Variants in FAT4 observed in about 807,000 individuals in gnomAD.
The protein encoded by FAT4 is protocadherin Fat 4.
FAT4 carries 84 observed loss-of-function variants against 303.9 expected under a neutral mutation model. That is an observed-to-expected ratio of 0.28 (90% CI 0.23 to 0.33). FAT4 has a LOEUF of 0.33. Ranked by LOEUF, FAT4 falls within the 10% of genes least tolerant of loss-of-function variation. FAT4 has a pLI of 1.00. For missense variants in FAT4, 6,005 were observed against 6,146.8 expected, an observed-to-expected ratio of 0.98 and a Z score of 0.77; for synonymous variants, 2,307 against 2,298.8, an observed-to-expected ratio of 1.00 and a Z score of -0.10.
At chr4:125,481,803 C>A in intron 16 of FAT4, 65 bp downstream of exon 16, 1 of 1,377,912 alleles carries the variant, frequency 7.3e-7, no homozygotes, top group Non-Finnish European at 1.0e-6. Context: ...GTTTAAATCA[C>A]TTCCCCCATA....
chr4:125,456,937 T>G (rs1726300781), intron 10 of FAT4, among the ~76,000 whole-genome samples: 1 of 152,196 alleles, frequency 6.6e-6, no homozygotes, highest in African/African-American at 2.4e-5. Context: ...AAGGTCTGTA[T>G]ATAATTTTTG....
At position 125,320,197 on chromosome 4, in the gene FAT4, T is replaced by C. The variant is rs1730873842; in HGVS notation, c.3786T>C (p.Ser1262=). 1.2e-6 allele frequency: 2 copies of C among 1,613,588 alleles called. No individual in the cohort carries two copies. Among genetic ancestry groups the C allele is most frequent in the Non-Finnish European group, 1.7e-6 (2 of 1,179,486 alleles). Residue 1262 remains serine (S), a synonymous_variant, in exon 2 of 18, where the codon AGT becomes AGC. Coordinates refer to ENST00000394329, the MANE Select transcript of FAT4 (RefSeq NM_001291303.3). ...AAGAAAGACAGTTTGCTATAGACAG[T>C]ACCTCTGGTCAGGTAACACTAATTG... ...GNEERQFAID[S]TSGQVTLIGK... is the part of the protein sequence containing the mutation.
intron 2 of FAT4, among the ~76,000 whole-genome samples, chr4:125,325,992 C>T (rs1472184104): frequency 6.6e-6 from 1 of 151,984 alleles, no homozygotes; most frequent in Non-Finnish European, 1.5e-5. Flanking sequence ...CTCTGGTTTG[C>T]ATGGAGGTCC....
chr4:125,330,777 G>C (rs960102818), intron 2 of FAT4, among the ~76,000 whole-genome samples: 4 of 152,186 alleles, frequency 2.6e-5, no homozygotes, highest in African/African-American at 9.6e-5. Flanking sequence ...ACCAGAGTGA[G>C]AGTGATCTTT....
In FAT4 at chr4:125,416,554, G is replaced by A. The variant is rs749207671; in HGVS notation, c.6950G>A (p.Gly2317Glu). 2 of 1,613,844 alleles carry A rather than the reference G, an allele frequency of 1.2e-6. No individual in the cohort carries two copies. The highest frequency in any genetic ancestry group is 1.7e-6 in the Non-Finnish European group (2 of 1,179,916). The change falls in exon 7 of 18, where the codon GGA becomes GAA. Residue 2317 changes from glycine (G) to glutamate (E), a missense_variant. Transcript: ENST00000394329. ...AFTLSASGELGVTQSLDRETK... is the reference protein window; with the variant it reads ...AFTLSASGELEVTQSLDRETK... ...ACTCTCTCAGCCAGTGGAGAACTTGGAGTAACACAGAGTCTGGATCGGGAA... is the reference window on the plus strand; with the variant it reads ...ACTCTCTCAGCCAGTGGAGAACTTGAAGTAACACAGAGTCTGGATCGGGAA...
chr4:125,329,725 T>C (rs775749200), intron 2 of FAT4, among the ~76,000 whole-genome samples: 8 of 152,180 alleles, frequency 5.3e-5, no homozygotes, highest in Non-Finnish European at 1.2e-4. Flanking sequence ...TATTTTAAAT[T>C]AACATTTTTA....
intron 7 of FAT4, among the ~76,000 whole-genome samples, chr4:125,421,512 C>T (rs1167138038): frequency 6.6e-6 from 1 of 152,024 alleles, no homozygotes; most frequent in African/African-American, 2.4e-5. Flanking sequence ...TGAGATTATA[C>T]CCTCAAAAAT....
chr4:125,390,573 G>C (rs1319971801), intron 2 of FAT4, among the ~76,000 whole-genome samples: 2 of 152,190 alleles, frequency 1.3e-5, no homozygotes, highest in Admixed American at 1.3e-4. Flanking sequence ...TTGAATGTAA[G>C]ATTAGAGTTT....
In FAT4 at chr4:125,450,245, A is replaced by G. The variant is rs138817920; in HGVS notation, c.9235A>G (p.Ile3079Val). ...PPLSSQATVH[I>V]TVTEENYHTP... ...ACTTTCTTCCCAAGCAACTGTTCAC[A>G]TAACTGTCACTGAGGAAAACTACCA... is the stretch of plus-strand genomic sequence containing the variant. Residue 3079 changes from isoleucine to valine, a missense_variant, in exon 10 of 18, where the codon ATA (isoleucine) becomes GTA (valine). By Grantham distance (29) the Ile-to-Val change is conservative. Transcript: ENST00000394329. 93 of 1,613,996 alleles carry G rather than the reference A, an allele frequency of 5.8e-5. No homozygotes were observed. The highest frequency in any genetic ancestry group is 6.4e-5 in the Non-Finnish European group (75 of 1,180,026).
intron 10 of FAT4, among the ~76,000 whole-genome samples, chr4:125,457,993 T>A (rs1726343793): frequency 6.6e-6 from 1 of 152,012 alleles, no homozygotes; most frequent in Non-Finnish European, 1.5e-5. Context: ...TGCATCACAT[T>A]CCTGGCATTA....
intron 4 of FAT4, among the ~76,000 whole-genome samples, chr4:125,407,799 G>T (rs1348684496): frequency 1.3e-5 from 2 of 151,804 alleles, no homozygotes; most frequent in African/African-American, 4.8e-5. Flanking sequence ...GTGTGTGTAT[G>T]CTTCATTCCC....
At chr4:125,383,305 G>C (rs1168118114) in intron 2 of FAT4, among the ~76,000 whole-genome samples, 2 of 152,070 alleles carry the variant, frequency 1.3e-5, no homozygotes, top group Admixed American at 1.3e-4. Context: ...GCCATTGGAG[G>C]GTTATTTCAA....
At position 125,320,391 on chromosome 4, in the gene FAT4, A is replaced by C; in HGVS notation, c.3980A>C (p.Asn1327Thr). Reference protein sequence around the residue: ...KSTLFVDVLENMRIGELVSSV... With the variant: ...KSTLFVDVLETMRIGELVSSV... Reference sequence around the variant, plus strand: ...ACACTCTTTGTTGATGTTTTGGAAAACATGAGAATTGGTGAACTCGTGTCC... The same window carrying C: ...ACACTCTTTGTTGATGTTTTGGAAACCATGAGAATTGGTGAACTCGTGTCC... The change falls in exon 2 of 18, where the codon AAC becomes ACC. Residue 1327 changes from asparagine to threonine, a missense_variant. By Grantham distance (65) the Asn-to-Thr change is moderately conservative. Coordinates refer to ENST00000394329, the MANE Select transcript of FAT4 (RefSeq NM_001291303.3). 6.2e-7 allele frequency: 1 copy of C among 1,614,124 alleles called. No individual in the cohort carries two copies. The highest frequency in any genetic ancestry group is 8.5e-7 in the Non-Finnish European group (1 of 1,179,998).
intron 2 of FAT4, among the ~76,000 whole-genome samples, chr4:125,327,157 A>G (rs184856638): frequency 6.6e-6 from 1 of 152,210 alleles, no homozygotes; most frequent in Non-Finnish European, 1.5e-5. Context: ...AGGAGCCTAA[A>G]TTGAATTAGG....
rs569012659 is a variant in FAT4 at position 125,397,095 on chromosome 4, C to T, written c.5176-1689C>T. ...TTTTAAAAATACCTTTTCTCAAAGC[C>T]TTTCTCTGGCTCTAAGAAGCTTCCA... On this transcript the variant is annotated intron_variant, in intron 2 of 17. Coordinates refer to ENST00000394329, the MANE Select transcript of FAT4 (RefSeq NM_001291303.3). 9.4e-4 allele frequency among the ~76,000 whole-genome samples: 143 copies of T among 151,910 alleles called. 1 individual carries two copies. The highest frequency in any genetic ancestry group is 3.4e-3 in the African/African-American group (141 of 41,466).
In FAT4 at chr4:125,477,141, C is replaced by T. The variant is rs2126083657; in HGVS notation, c.12300-14C>T. On this transcript the variant is annotated splice_polypyrimidine_tract_variant and intron_variant, in intron 13 of 17. Coordinates refer to ENST00000394329, the MANE Select transcript of FAT4 (RefSeq NM_001291303.3). ...TTTTGACACTAATATTTATATCTTC[C>T]ATTATTTATTTAGGACTCTTGATGT... is the stretch of plus-strand genomic sequence containing the variant. 1 of 1,333,350 alleles carries T rather than the reference C, an allele frequency of 7.5e-7. No homozygotes were observed. Among genetic ancestry groups the T allele is most frequent in the Non-Finnish European group, 9.7e-7 (1 of 1,031,420 alleles). The allele number at this position is 1,333,350 out of a possible 1,614,324, so 82.6% of individuals were successfully genotyped here.
Position 125,451,040 on chromosome 4 carries a change from C to T in FAT4, c.10030C>T (p.Arg3344Ter), listed in dbSNP as rs1243659384. The T allele has an allele frequency of 3.1e-6, 5 of 1,613,802 alleles. No individual in the cohort carries two copies. The highest frequency in any genetic ancestry group is 3.4e-6 in the Non-Finnish European group (4 of 1,179,964). ...ACACTATTTGATTTTTGGTAATAGT[C>T]GAAAGAAGGGTTTCCAGATCAATAA... ...EVHYLIFGNSRKKGFQINKKT... is the reference protein window; with the variant it reads ...EVHYLIFGNS The change falls in exon 10 of 18, where the codon CGA (arginine) becomes TGA (stop). Residue 3344 changes from arginine to a stop codon, truncating the protein, a stop_gained. Coordinates refer to ENST00000394329, the MANE Select transcript of FAT4 (RefSeq NM_001291303.3). LOFTEE classifies it high-confidence loss of function.
chr4:125,362,953 A>T (rs996004518), intron 2 of FAT4: 1 of 152,036 alleles, frequency 6.6e-6, no homozygotes, highest in Non-Finnish European at 1.5e-5. Context: ...CCAAAACCAA[A>T]CTAAAGGGAA....
At chr4:125,389,533 G>A (rs933308896) in intron 2 of FAT4, among the ~76,000 whole-genome samples, 29 of 152,074 alleles carry the variant, frequency 1.9e-4, no homozygotes, top group African/African-American at 7.0e-4. Flanking sequence ...AGTAGAGTTT[G>A]GGCCTGCAAC....
Sources: gnomAD v4.1 joint callset for allele counts (sites outside exome capture counted in the v4.1 genomes callset) on GRCh38, gnomAD v4.1.1 for gene constraint, MANE v1.5 for transcripts, NCBI Gene and HGNC (gene_info 2026-07-23, HGNC 2026-07-21) for gene names.